SURF2: variants seen among roughly 807,000 people sequenced by gnomAD.
SURF2 encodes surfeit locus protein 2.
In SURF2, 32 loss-of-function variants were observed where a neutral mutation model predicts 26.2. The observed-to-expected ratio is 1.22, with a 90% CI of 0.92 to 1.64. The LOEUF (loss-of-function observed/expected upper bound fraction) is 1.64, where lower values mean the gene tolerates loss of function less well. SURF2 is among the 40% of genes most tolerant of loss of function. The probability of loss-of-function intolerance (pLI) is 0.00; values close to 1 mark genes in which losing one functional copy is unlikely to be tolerated. For missense variants in SURF2, 415 were observed against 341.6 expected, an observed-to-expected ratio of 1.21 and a Z score of -1.69; for synonymous variants, 173 against 139.1, an observed-to-expected ratio of 1.24 and a Z score of -1.71.
rs2130032670 is a variant in SURF2 at position 133,357,074 on chromosome 9, T to C, written c.233+6T>C. ...GTGCCCAGCACCAAGAACCCGTAGG[T>C]GGTCCGCGGCGGCGCGGGGAGGCCC... On this transcript the variant is annotated splice_donor_region_variant and intron_variant, in intron 2 of 5. Transcript: ENST00000371964. The C allele has an allele frequency of 6.4e-7, 1 of 1,561,966 alleles. No individual in the cohort carries two copies. The highest frequency in any genetic ancestry group is 1.9e-5 in the Admixed American group (1 of 52,994).
At chr9:133,360,940 G>C in intron 5 of SURF2, 116 bp from the exon 6 acceptor site, 2 of 1,054,492 alleles carry the variant, frequency 1.9e-6, no homozygotes, top group Non-Finnish European at 2.9e-6. Context: ...GAAAGCCTCT[G>C]TGGGTATTTG....
In SURF2 at chr9:133,356,622, G is replaced by A; in HGVS notation, c.30G>A (p.Ala10=). Residue 10 remains alanine, a synonymous_variant, in exon 1 of 6, where the codon GCG becomes GCA. Transcript: ENST00000371964. Reference sequence around the variant, plus strand: ...GCGAGTTGCCGGGCGACGTGCGGGCGTTTCTGCGGGAGCACCCGAGCCTGC... The same window carrying A: ...GCGAGTTGCCGGGCGACGTGCGGGCATTTCTGCGGGAGCACCCGAGCCTGC... MSELPGDVR[A]FLREHPSLRL... is the part of the protein sequence containing the mutation. The A allele has an allele frequency of 6.6e-7, 1 of 1,525,930 alleles. No homozygotes were observed. Among genetic ancestry groups the A allele is most frequent in the Non-Finnish European group, 8.7e-7 (1 of 1,143,522 alleles). The allele number at this position is 1,525,930 out of a possible 1,614,324, so 94.5% of individuals were successfully genotyped here.
chr9:133,360,244 C>T (rs2130049220), intron 4 of SURF2, 21 bp from the exon 5 acceptor site: 1 of 1,610,866 alleles, frequency 6.2e-7, no homozygotes, highest in Admixed American at 1.7e-5. Context: ...AACTGTCAGC[C>T]AATCCCTGTG....
rs1554769350 is a variant in SURF2 at position 133,357,775 on chromosome 9, C to T, written c.298C>T (p.His100Tyr). Residue 100 changes from histidine to tyrosine, a missense_variant, in exon 3 of 6, where the codon CAC (histidine) becomes TAC (tyrosine). Physicochemically the swap from His to Tyr is moderately conservative, Grantham distance 83 (BLOSUM62 2). Transcript: ENST00000371964. ...CAAGTGCCCAGAACACGTGCTGAGG[C>T]ACACCCAGGGCCGGCGGTACCAGCG... is the stretch of plus-strand genomic sequence containing the variant. ...INKCPEHVLRHTQGRRYQRAL... is the reference protein window; with the variant it reads ...INKCPEHVLRYTQGRRYQRAL... The T allele has an allele frequency of 1.9e-6, 3 of 1,613,628 alleles. No individual in the cohort carries two copies. The highest frequency in any genetic ancestry group is 1.7e-6 in the Non-Finnish European group (2 of 1,180,036).
Position 133,356,635 on chromosome 9 carries a change from C to T in SURF2, c.43C>T (p.His15Tyr), listed in dbSNP as rs2130029022. ...PGDVRAFLREHPSLRLQTDAR... is the reference protein window; with the variant it reads ...PGDVRAFLREYPSLRLQTDAR... ...CGACGTGCGGGCGTTTCTGCGGGAG[C>T]ACCCGAGCCTGCGGCTCCAGACGGA... Residue 15 changes from histidine (H) to tyrosine (Y), a missense_variant, in exon 1 of 6, where the codon CAC becomes TAC. Physicochemically the swap from His to Tyr is moderately conservative, Grantham distance 83. Transcript: ENST00000371964. The T allele has an allele frequency of 1.9e-4, 290 of 1,526,104 alleles. 1 individual carries two copies. The East Asian group carries it at 6.6e-3, about 35-fold the overall frequency. 94.5% of individuals were successfully genotyped at this position (1,526,104 alleles called of 1,614,324 possible). A position where few individuals can be genotyped will look rare whatever the true frequency, so the allele number is the denominator to read the frequency against.
Position 133,361,087 on chromosome 9 carries a change from A to G in SURF2, c.719A>G (p.Lys240Arg), listed in dbSNP as rs2130057502. The G allele has an allele frequency of 1.9e-6, 3 of 1,614,092 alleles. No individual in the cohort carries two copies. Among genetic ancestry groups the G allele is most frequent in the Non-Finnish European group, 2.5e-6 (3 of 1,180,016 alleles). The change falls in exon 6 of 6, where the codon AAG becomes AGG. Residue 240 changes from lysine to arginine, a missense_variant. By Grantham distance (26) the Lys-to-Arg change is conservative. Transcript: ENST00000371964. Reference protein sequence around the residue: ...KQLGSLKKKFKSHHRKPKSFS... With the variant: ...KQLGSLKKKFRSHHRKPKSFS... ...TTGGGCTCGTTGAAAAAGAAGTTCA[A>G]GAGTCATCACCGCAAACCCAAGAGC...
intron 3 of SURF2, among the ~76,000 whole-genome samples, chr9:133,359,579 G>GA (rs1192280281): frequency 6.6e-6 from 1 of 152,224 alleles, no homozygotes; most frequent in Non-Finnish European, 1.5e-5. Flanking sequence ...GGCTGCTGGG[G>GA]AGAGGGTGGC....
At chr9:133,360,867 T>C (rs2130054865) in intron 5 of SURF2, among the ~76,000 whole-genome samples, 189 bp from the exon 6 acceptor site, 16 of 152,356 alleles carry the variant, frequency 1.1e-4, no homozygotes, top group African/African-American at 2.2e-4. Context: ...CATTGCACTG[T>C]ACTCCTCTGA....
In SURF2 at chr9:133,356,766, G is replaced by T. The variant is rs2130030187; in HGVS notation, c.78+96G>T. Reference sequence around the variant, plus strand: ...AGGGGAGAGGAGAGGGCAGGGGAGAGGGGAGAGGGGAGAGCAGGAGAGAGG... The same window carrying T: ...AGGGGAGAGGAGAGGGCAGGGGAGATGGGAGAGGGGAGAGCAGGAGAGAGG... On this transcript the variant is annotated intron_variant, in intron 1 of 5. Transcript: ENST00000371964. The T allele has an allele frequency of 8.5e-6, 12 of 1,414,332 alleles. No individual in the cohort carries two copies. In the African/African-American group the frequency reaches 1.5e-4, roughly 17 times the overall value. The allele number at this position is 1,414,332 out of a possible 1,614,324, so 87.6% of individuals were successfully genotyped here.
Position 133,360,445 on chromosome 9 carries a change from ACCT to A in SURF2, c.687+16_687+18del, listed in dbSNP as rs1836736883. On this transcript the variant is annotated intron_variant, in intron 5 of 5. Coordinates refer to ENST00000371964, the MANE Select transcript of SURF2 (RefSeq NM_017503.5). ...CAGAAGCGCGGGAAGGTGAGCTGTC[ACCT>A]CCTCTGTTAGTGTGGCAGTGGCTTC... 6.3e-7 allele frequency: 1 copy of A among 1,594,462 alleles called. No individual in the cohort carries two copies. Among genetic ancestry groups the A allele is most frequent in the Non-Finnish European group, 8.5e-7 (1 of 1,173,754 alleles).
chr9:133,357,623 A>G, intron 2 of SURF2, 88 bp from the exon 3 acceptor site: 4 of 1,269,914 alleles, frequency 3.1e-6, no homozygotes, highest in Non-Finnish European at 4.5e-6. Context: ...CGCATGGTAG[A>G]CTGTCCAGGG....
At position 133,360,267 on chromosome 9, in the gene SURF2, G is replaced by A. The variant is rs2130049606; in HGVS notation, c.520G>A (p.Glu174Lys). ...DDSMTDLYPP[E>K]LFTRKDLGST... Reference sequence around the variant, plus strand: ...GCCAATCCCTGTGTTCCTCCCAGCTGAGCTATTCACCAGAAAGGACCTTGG... The same window carrying A: ...GCCAATCCCTGTGTTCCTCCCAGCTAAGCTATTCACCAGAAAGGACCTTGG... The change falls in exon 5 of 6, where the codon GAG (glutamate) becomes AAG (lysine). Residue 174 changes from glutamate to lysine, a missense_variant and splice_region_variant. By Grantham distance (56) the Glu-to-Lys change is moderately conservative. Coordinates refer to ENST00000371964, the MANE Select transcript of SURF2 (RefSeq NM_017503.5). 1 of 1,613,704 alleles carries A rather than the reference G, an allele frequency of 6.2e-7. No individual in the cohort carries two copies. The highest frequency in any genetic ancestry group is 8.5e-7 in the Non-Finnish European group (1 of 1,179,818).
In SURF2 at chr9:133,360,418, T is replaced by C. The variant is rs1262649037; in HGVS notation, c.671T>C (p.Val224Ala). 1 of 1,609,900 alleles carries C rather than the reference T, an allele frequency of 6.2e-7. No homozygotes were observed. The highest frequency in any genetic ancestry group is 8.5e-7 in the Non-Finnish European group (1 of 1,179,420). Residue 224 changes from valine to alanine, a missense_variant, in exon 5 of 6, where the codon GTC (valine) becomes GCC (alanine). Val to Ala is a moderately conservative substitution (Grantham distance 64). Coordinates refer to ENST00000371964, the MANE Select transcript of SURF2 (RefSeq NM_017503.5). ...GAGACGACCGTGTACCGAGGGCTGG[T>C]CCAGAAGCGCGGGAAGGTGAGCTGT... ...RRETTVYRGL[V>A]QKRGKKQLGS...
In SURF2 at chr9:133,360,250, C is replaced by T. The variant is rs2130049333; in HGVS notation, c.518-15C>T. ...GCCTAAAATAACTGTCAGCCAATCC[C>T]TGTGTTCCTCCCAGCTGAGCTATTC... On this transcript the variant is annotated splice_polypyrimidine_tract_variant and intron_variant, in intron 4 of 5. Transcript: ENST00000371964. 4 of 1,612,038 alleles carry T rather than the reference C, an allele frequency of 2.5e-6. No homozygotes were observed. Among genetic ancestry groups the T allele is most frequent in the Non-Finnish European group, 3.4e-6 (4 of 1,178,740 alleles).
intron 2 of SURF2, 44 bp downstream of exon 2, chr9:133,357,112 A>T: frequency 6.7e-7 from 1 of 1,489,056 alleles, no homozygotes; most frequent in South Asian, 1.3e-5. Flanking sequence ...GGCAATTAGG[A>T]CAGCCCCTCC....
intron 1 of SURF2, 64 bp downstream of exon 1, chr9:133,356,734 G>GGAGGGCAGGGGAGAGGA (rs1263042188): frequency 3.4e-6 from 5 of 1,455,286 alleles, no homozygotes; most frequent in East Asian, 2.7e-5. Context: ...GGGGCTGAGG[G>GGAGGGCAGGGGAGAGGA]GAGGGCAGGG....
chr9:133,358,343 T>A (rs1488121081), intron 3 of SURF2, among the ~76,000 whole-genome samples: 1 of 152,108 alleles, frequency 6.6e-6, no homozygotes, highest in South Asian at 2.1e-4. Context: ...GGGGGCTGCA[T>A]GGACAGTGTG....
At chr9:133,358,886 A>C (rs2130040855) in intron 3 of SURF2, among the ~76,000 whole-genome samples, 1 of 152,298 alleles carries the variant, frequency 6.6e-6, no homozygotes, top group African/African-American at 2.4e-5. Flanking sequence ...AGATGCGTCT[A>C]CGGGCTTCTG....
At chr9:133,357,614 G>A (rs1836642781) in intron 2 of SURF2, 97 bp from the exon 3 acceptor site, 10 of 1,184,708 alleles carry the variant, frequency 8.4e-6, no homozygotes, top group African/African-American at 1.5e-5. Context: ...TGTCCAAGCC[G>A]CATGGTAGAC....
Sources: allele counts gnomAD v4.1 joint callset (sites outside exome capture counted in the v4.1 genomes callset), GRCh38; gene constraint gnomAD v4.1.1; transcripts MANE v1.5; gene names NCBI Gene and HGNC (gene_info 2026-07-23, HGNC 2026-07-21).